The following STX8 variants were observed in gnomAD, a reference collection of about 807,000 sequenced individuals.
STX8 encodes syntaxin-8.
In STX8, 23 loss-of-function variants were observed where a neutral mutation model predicts 37.5. The ratio of observed to expected loss-of-function variants is 0.61; its 90% CI spans 0.44 to 0.87. The LOEUF (loss-of-function observed/expected upper bound fraction) is 0.87. STX8 is among the 40% of genes least tolerant of loss of function. The pLI is 0.00. For synonymous variants in STX8, 115 were observed against 99.1 expected (o/e 1.16, Z -0.95); for missense variants, 313 against 284.7 (o/e 1.10, Z -0.71).
intron 4 of STX8, among the ~76,000 whole-genome samples, chr17:9,543,384 C>T (rs1906364845): frequency 6.6e-6 from 1 of 151,824 alleles, no homozygotes; most frequent in South Asian, 2.1e-4. Flanking sequence ...ACCTCCACCT[C>T]CCAGGTTCAA....
At chr17:9,444,663 A>G (rs1008811033) in intron 6 of STX8, among the ~76,000 whole-genome samples, 2 of 152,212 alleles carry the variant, frequency 1.3e-5, no homozygotes, top group African/African-American at 4.8e-5. Flanking sequence ...TACTAAAGAA[A>G]AGCAAAATAT....
At chr17:9,475,719 T>C (rs1906074104) in intron 6 of STX8, among the ~76,000 whole-genome samples, 1 of 152,234 alleles carries the variant, frequency 6.6e-6, no homozygotes, top group Non-Finnish European at 1.5e-5. Flanking sequence ...GTTCTCCTTA[T>C]GTTATTAGTT....
intron 6 of STX8, among the ~76,000 whole-genome samples, chr17:9,456,199 T>TA (rs1222697472): frequency 7.2e-5 from 11 of 152,052 alleles, no homozygotes; most frequent in Non-Finnish European, 1.2e-4. Flanking sequence ...AATTACTTTT[T>TA]AAAAAAACCC....
intron 6 of STX8, among the ~76,000 whole-genome samples, chr17:9,433,255 A>G (rs1036374231): frequency 6.6e-6 from 1 of 152,214 alleles, no homozygotes; most frequent in Admixed American, 6.5e-5. Context: ...CGTCTCCTTC[A>G]CTTATGATGA....
At chr17:9,436,937 T>C (rs1414314534) in intron 6 of STX8, among the ~76,000 whole-genome samples, 4 of 152,176 alleles carry the variant, frequency 2.6e-5, no homozygotes, top group Non-Finnish European at 5.9e-5. Flanking sequence ...CAAGCTGATT[T>C]TAGGACAGGC....
intron 7 of STX8, among the ~76,000 whole-genome samples, chr17:9,361,302 G>C (rs768920550): frequency 2.0e-5 from 3 of 152,212 alleles, no homozygotes; most frequent in Non-Finnish European, 1.5e-5. Flanking sequence ...TGGCAAAGGA[G>C]AATTATCTAT....
Position 9,255,730 on chromosome 17 carries a change from A to G in STX8, c.644-5085T>C, listed in dbSNP as rs183340989. Among the ~76,000 whole-genome samples, 129 of 147,958 alleles carry G rather than the reference A, an allele frequency of 8.7e-4. 2 individuals are homozygous for G. Among genetic ancestry groups the G allele is most frequent in the African/African-American group, 3.1e-3 (115 of 37,512 alleles). ...TATTTTAAACCCTTTCAGAGCAAAC[A>G]GGGGGAGACTTTAAACAGGCTTAAG... On this transcript the variant is annotated intron_variant, in intron 7 of 7. Coordinates refer to ENST00000306357, the MANE Select transcript of STX8 (RefSeq NM_004853.3).
chr17:9,372,133 G>A (rs780164425), intron 7 of STX8, among the ~76,000 whole-genome samples: 24 of 152,216 alleles, frequency 1.6e-4, no homozygotes, highest in South Asian at 6.2e-4. Flanking sequence ...GATGTTTCCC[G>A]GTCTACCCTG....
At chr17:9,425,452 TTAAAA>T (rs1913593167) in intron 6 of STX8, among the ~76,000 whole-genome samples, 1 of 152,188 alleles carries the variant, frequency 6.6e-6, no homozygotes, top group Non-Finnish European at 1.5e-5. Flanking sequence ...TTGATTGTCA[TTAAAA>T]TAAAGAGGTA....
At chr17:9,560,051 C>T (rs184249368) in intron 2 of STX8, among the ~76,000 whole-genome samples, 6 of 150,156 alleles carry the variant, frequency 4.0e-5, no homozygotes, top group African/African-American at 1.5e-4. Context: ...CATGAGCCAC[C>T]GCGCCCAGAC....
intron 6 of STX8, among the ~76,000 whole-genome samples, chr17:9,477,771 T>A (rs1307315341): frequency 6.6e-6 from 1 of 152,190 alleles, no homozygotes; most frequent in Non-Finnish European, 1.5e-5. Context: ...TAGACTTTGT[T>A]AGAAAAATGT....
At chr17:9,411,623 A>T (rs1390763826) in intron 6 of STX8, among the ~76,000 whole-genome samples, 1 of 152,226 alleles carries the variant, frequency 6.6e-6, no homozygotes, top group Non-Finnish European at 1.5e-5. Flanking sequence ...CGGGATAATC[A>T]ATGTTAAAAC....
At chr17:9,493,139 T>A (rs1415913414) in intron 5 of STX8, among the ~76,000 whole-genome samples, 3 of 150,646 alleles carry the variant, frequency 2.0e-5, no homozygotes, top group South Asian at 2.1e-4. Flanking sequence ...GGCATGTACC[T>A]GTAGTGTCAG....
intron 7 of STX8, among the ~76,000 whole-genome samples, chr17:9,314,634 T>G (rs1292345571): frequency 6.7e-6 from 1 of 149,412 alleles, no homozygotes; most frequent in Admixed American, 6.7e-5. Context: ...GGTCTCGATC[T>G]CCTGACCTAG....
intron 7 of STX8, among the ~76,000 whole-genome samples, chr17:9,309,334 A>G (rs1909112307): frequency 6.6e-6 from 1 of 152,224 alleles, no homozygotes; most frequent in African/African-American, 2.4e-5. Context: ...GCCAGCTAAC[A>G]TGGGAAACCA....
intron 6 of STX8, among the ~76,000 whole-genome samples, chr17:9,381,709 G>A (rs779407320): frequency 6.6e-6 from 1 of 152,196 alleles, no homozygotes; most frequent in African/African-American, 2.4e-5. Flanking sequence ...GGTGGCTCAC[G>A]CCTGTAATCC....
At chr17:9,335,044 C>A (rs756586086) in intron 7 of STX8, among the ~76,000 whole-genome samples, 1 of 152,174 alleles carries the variant, frequency 6.6e-6, no homozygotes, top group African/African-American at 2.4e-5. Context: ...CCCCTGGTCA[C>A]CTGCTCTGAC....
At chr17:9,489,691 C>CTT (rs4063411) in intron 6 of STX8, among the ~76,000 whole-genome samples, 21,953 of 127,088 alleles carry the variant, frequency 0.17, 2,297 homozygotes, top group South Asian at 0.26. Flanking sequence ...GCTTACTTTC[C>CTT]TTTTTTTTTT....
At chr17:9,381,230 T>C (rs1911805387) in intron 6 of STX8, among the ~76,000 whole-genome samples, 2 of 151,468 alleles carry the variant, frequency 1.3e-5, no homozygotes, top group South Asian at 4.1e-4. Flanking sequence ...TTTATGACTA[T>C]TATATTTTTC....
Sources: gnomAD v4.1 joint callset for allele counts (sites outside exome capture counted in the v4.1 genomes callset) on GRCh38, gnomAD v4.1.1 for gene constraint, MANE v1.5 for transcripts, NCBI Gene and HGNC (gene_info 2026-07-23, HGNC 2026-07-21) for gene names.